Variants in RIN3 observed in about 807,000 individuals in gnomAD.
RIN3 encodes Ras and Rab interactor 3.
RIN3 carries 54 observed loss-of-function variants against 76.3 expected under a neutral mutation model. The ratio of observed to expected loss-of-function variants is 0.71; its 90% CI spans 0.57 to 0.89. The LOEUF (loss-of-function observed/expected upper bound fraction) is 0.89, where lower values mean the gene tolerates loss of function less well. Among genes scored for constraint, RIN3 ranks in the 40% least tolerant of loss-of-function variants. RIN3 has a pLI of 0.00. For missense variants in RIN3, 1,256 were observed against 1,322.1 expected, an observed-to-expected ratio of 0.95 and a Z score of 0.78; for synonymous variants, 576 against 564.0, an observed-to-expected ratio of 1.02 and a Z score of -0.30.
At chr14:92,544,191 T>A (rs554517610) in intron 1 of RIN3, among the ~76,000 whole-genome samples, 2 of 152,172 alleles carry the variant, frequency 1.3e-5, no homozygotes, top group South Asian at 2.1e-4. Context: ...CTCAGGAGGA[T>A]CACAGGCCCT....
At chr14:92,551,986 G>T (rs563887234) in intron 1 of RIN3, among the ~76,000 whole-genome samples, 1 of 152,348 alleles carries the variant, frequency 6.6e-6, no homozygotes, top group Non-Finnish European at 1.5e-5. Flanking sequence ...GACCCTGAAG[G>T]AGGTGCAGGT....
chr14:92,628,582 G>A (rs10142293), intron 4 of RIN3, among the ~76,000 whole-genome samples: 136,151 of 152,168 alleles, frequency 0.89, 61,145 homozygotes, highest in African/African-American at 0.94. Context: ...TAGCATCCTT[G>A]TAATTTGATA....
At chr14:92,516,281 G>A (rs61977340) in intron 1 of RIN3, among the ~76,000 whole-genome samples, 7,005 of 152,248 alleles carry the variant, frequency 0.046, 211 homozygotes, top group East Asian at 0.08. Context: ...GGTATTGGGG[G>A]AGGTGGTGGT....
chr14:92,571,202 A>G (rs1447237410), intron 2 of RIN3, among the ~76,000 whole-genome samples: 4 of 152,158 alleles, frequency 2.6e-5, no homozygotes, highest in African/African-American at 9.7e-5. Context: ...CTTCCACTAC[A>G]TGGCTATATT....
In RIN3 at chr14:92,688,385, A is replaced by T; in HGVS notation, c.*133A>T. ...CATGACGTGCCCAGGCCAACGTCGCAGGACAGTTGTGAAAATAACATGACG... is the reference window on the plus strand; with the variant it reads ...CATGACGTGCCCAGGCCAACGTCGCTGGACAGTTGTGAAAATAACATGACG... On this transcript the variant is annotated 3_prime_UTR_variant, in exon 10 of 10. Transcript: ENST00000216487. The T allele has an allele frequency of 1.2e-6, 1 of 842,192 alleles. No homozygotes were observed. Among genetic ancestry groups the T allele is most frequent in the Non-Finnish European group, 1.8e-6 (1 of 562,120 alleles). 52.2% of individuals were successfully genotyped at this position (842,192 alleles called of 1,614,324 possible). A position where few individuals can be genotyped will look rare whatever the true frequency, so the allele number is the denominator to read the frequency against.
chr14:92,651,863 A>C lies in RIN3; in HGVS notation c.814A>C (p.Thr272Pro), dbSNP rs1566886851. 10 of 1,601,334 alleles carry C rather than the reference A, an allele frequency of 6.2e-6. No individual in the cohort carries two copies. The highest frequency in any genetic ancestry group is 2.2e-5 in the East Asian group (1 of 44,496). Residue 272 changes from threonine (T) to proline (P), a missense_variant, in exon 6 of 10, where the codon ACC becomes CCC. Thr to Pro is a conservative substitution (Grantham distance 38, BLOSUM62 -1). Coordinates refer to ENST00000216487, the MANE Select transcript of RIN3 (RefSeq NM_024832.5). ...LPPTSDATSP[T>P]SRWAPRRPPP... ...GCCCACCTCTGATGCCACCTCACCC[A>C]CCTCCAGGTGGGCCCCACGCCGCCC...
Position 92,659,412 on chromosome 14 carries a change from T to C in RIN3, c.2278T>C (p.Ser760Pro), listed in dbSNP as rs1196112963. 6.2e-7 allele frequency: 1 copy of C among 1,613,198 alleles called. No homozygotes were observed. The highest frequency in any genetic ancestry group is 1.7e-5 in the Admixed American group (1 of 59,888). Residue 760 changes from serine to proline, a missense_variant, in exon 7 of 10, where the codon TCC becomes CCC. By Grantham distance (74) the Ser-to-Pro change is moderately conservative (BLOSUM62 -1). Transcript: ENST00000216487. ...GGCCTACTCACCTGAGAAGAAGATC[T>C]CCATCCTGCTCAAGACCTGCAAACT... The part of the protein sequence containing the change: ...HKAYSPEKKI[S>P]ILLKTCKLIY...
intron 7 of RIN3, among the ~76,000 whole-genome samples, chr14:92,673,617 TGCCTAA>T (rs1888362704): frequency 6.6e-6 from 1 of 152,156 alleles, no homozygotes; most frequent in African/African-American, 2.4e-5. Flanking sequence ...GTGATTCTCG[TGCCTAA>T]GCCTCCCAAG....
chr14:92,675,748 G>C (rs1055123342), intron 7 of RIN3, among the ~76,000 whole-genome samples: 3 of 152,182 alleles, frequency 2.0e-5, no homozygotes, highest in Non-Finnish European at 4.4e-5. Context: ...TTGCCAAATG[G>C]GCAATCTTCA....
intron 4 of RIN3, among the ~76,000 whole-genome samples, chr14:92,625,009 T>C (rs1463231675): frequency 6.6e-6 from 1 of 152,230 alleles, no homozygotes; most frequent in Non-Finnish European, 1.5e-5. Flanking sequence ...CCGGTGCTGA[T>C]GGACTGGAAA....
chr14:92,589,026 C>T (rs1261697273), intron 3 of RIN3, among the ~76,000 whole-genome samples: 2 of 152,184 alleles, frequency 1.3e-5, no homozygotes, highest in African/African-American at 4.8e-5. Context: ...TGACAGCATC[C>T]TCCCCATGCC....
At chr14:92,628,017 G>A (rs572849477) in intron 4 of RIN3, among the ~76,000 whole-genome samples, 54 of 152,208 alleles carry the variant, frequency 3.5e-4, no homozygotes, top group Non-Finnish European at 6.3e-4. Context: ...GGCTGGGGTC[G>A]GACCACACAA....
At chr14:92,655,134 C>T (rs192461842) in intron 6 of RIN3, among the ~76,000 whole-genome samples, 1 of 152,084 alleles carries the variant, frequency 6.6e-6, no homozygotes, top group East Asian at 1.9e-4. Context: ...CACTGCACTC[C>T]AGCCTGGGCA....
At chr14:92,605,174 G>C (rs574750298) in intron 3 of RIN3, among the ~76,000 whole-genome samples, 11 of 151,990 alleles carry the variant, frequency 7.2e-5, no homozygotes, top group Non-Finnish European at 1.0e-4. Flanking sequence ...GCCTCCCAAA[G>C]TGCTAGGATT....
At chr14:92,640,102 C>T (rs1416517161) in intron 4 of RIN3, among the ~76,000 whole-genome samples, 1 of 130,798 alleles carries the variant, frequency 7.6e-6, no homozygotes, top group Admixed American at 8.0e-5. Context: ...GTGTGTTCGT[C>T]GAGGGCTGCC....
At chr14:92,593,518 A>G (rs1441882452) in intron 3 of RIN3, among the ~76,000 whole-genome samples, 1 of 151,638 alleles carries the variant, frequency 6.6e-6, no homozygotes, top group African/African-American at 2.4e-5. Context: ...AGGAAGGGGA[A>G]CATCACACAC....
intron 6 of RIN3, among the ~76,000 whole-genome samples, chr14:92,655,164 C>CA (rs1339679873): frequency 1.3e-5 from 2 of 149,730 alleles, no homozygotes; most frequent in Non-Finnish European, 3.0e-5. Flanking sequence ...GACTTTGTCT[C>CA]AAAAAAATAA....
At chr14:92,576,279 C>G (rs766463910) in intron 2 of RIN3, 17 of 1,289,284 alleles carry the variant, frequency 1.3e-5, no homozygotes, top group Non-Finnish European at 1.7e-5. Context: ...AATCCCGCTC[C>G]CCATGCTTGC....
chr14:92,534,238 C>CT (rs1408805765), intron 1 of RIN3, among the ~76,000 whole-genome samples: 4 of 137,828 alleles, frequency 2.9e-5, no homozygotes, highest in South Asian at 2.2e-4. Flanking sequence ...TGAGTCATGT[C>CT]ATTTTTTTTT....
Sources: gnomAD v4.1 joint callset for allele counts (sites outside exome capture counted in the v4.1 genomes callset) on GRCh38, gnomAD v4.1.1 for gene constraint, MANE v1.5 for transcripts, NCBI Gene and HGNC (gene_info 2026-07-23, HGNC 2026-07-21) for gene names.